The following ARHGAP10 variants were observed in gnomAD, a reference collection of about 807,000 sequenced individuals.
The protein encoded by ARHGAP10 is rho GTPase-activating protein 10.
A neutral mutation model predicts 108.6 loss-of-function variants in ARHGAP10; 87 were observed. The ratio of observed to expected loss-of-function variants is 0.80; its 90% CI spans 0.67 to 0.96. ARHGAP10 has a LOEUF of 0.96. ARHGAP10 is among the 40% of genes least tolerant of loss of function. The pLI is 0.00. For missense variants in ARHGAP10, 939 were observed against 954.5 expected (o/e 0.98, Z 0.21); for synonymous variants, 347 against 341.1 (o/e 1.02, Z -0.19).
chr4:147,809,437 C>T (rs893153563), intron 1 of ARHGAP10, among the ~76,000 whole-genome samples: 1 of 152,168 alleles, frequency 6.6e-6, no homozygotes, highest in Non-Finnish European at 1.5e-5. Context: ...CTTTGTCATC[C>T]AGACAGGATA....
intron 19 of ARHGAP10, among the ~76,000 whole-genome samples, chr4:148,041,440 A>G (rs1352118727): frequency 2.0e-5 from 3 of 152,244 alleles, no homozygotes; most frequent in Non-Finnish European, 2.9e-5. Flanking sequence ...ATTCCTTCCA[A>G]CAATCCAAAA....
chr4:147,803,300 C>T (rs1731653582), intron 1 of ARHGAP10, among the ~76,000 whole-genome samples: 3 of 152,182 alleles, frequency 2.0e-5, no homozygotes, highest in Admixed American at 2.0e-4. Flanking sequence ...TGAGCCACTG[C>T]ATCCAGCCTA....
At chr4:147,891,583 A>G (rs1423823469) in intron 10 of ARHGAP10, among the ~76,000 whole-genome samples, 5 of 152,198 alleles carry the variant, frequency 3.3e-5, no homozygotes, top group Non-Finnish European at 5.9e-5. Flanking sequence ...GTTGAACTGT[A>G]CATTGTCAGT....
chr4:147,758,187 C>A (rs530737917), intron 1 of ARHGAP10, among the ~76,000 whole-genome samples: 121 of 151,150 alleles, frequency 8.0e-4, no homozygotes, highest in South Asian at 1.5e-3. Flanking sequence ...TGCTTGAACC[C>A]GGGACGTGGA....
At chr4:148,007,322 G>T (rs548442337) in intron 18 of ARHGAP10, among the ~76,000 whole-genome samples, 3 of 152,180 alleles carry the variant, frequency 2.0e-5, no homozygotes, top group South Asian at 2.1e-4. Context: ...AACCCCATTG[G>T]CATGTTCACA....
At chr4:147,826,184 G>C (rs1732702750) in intron 3 of ARHGAP10, among the ~76,000 whole-genome samples, 1 of 152,168 alleles carries the variant, frequency 6.6e-6, no homozygotes, top group African/African-American at 2.4e-5. Flanking sequence ...CCATTGTTAG[G>C]CTCAGTATTC....
At chr4:148,064,034 C>A (rs570939820) in intron 21 of ARHGAP10, among the ~76,000 whole-genome samples, 1 of 152,324 alleles carries the variant, frequency 6.6e-6, no homozygotes, top group Non-Finnish European at 1.5e-5. Context: ...CTTCTGCCGG[C>A]TGGCCGTGTG....
chr4:147,838,090 T>C (rs141314800), intron 3 of ARHGAP10, among the ~76,000 whole-genome samples: 3 of 152,196 alleles, frequency 2.0e-5, no homozygotes, highest in Non-Finnish European at 4.4e-5. Flanking sequence ...TCTGCACTTA[T>C]TTAATAAAAA....
At position 147,879,272 on chromosome 4, in the gene ARHGAP10, C is replaced by T. The variant is rs758790719; in HGVS notation, c.873C>T (p.Cys291=). The T allele has an allele frequency of 4.0e-5, 65 of 1,613,932 alleles. 2 individuals are homozygous for T. The South Asian group carries it at 6.9e-4, about 17-fold the overall frequency. The change falls in exon 9 of 23, where the codon TGC becomes TGT. Residue 291 remains cysteine, a synonymous_variant. Coordinates refer to ENST00000336498, the MANE Select transcript of ARHGAP10 (RefSeq NM_024605.4). ...PFGSSWVKHY[C]MYRKAAKKFN... ...GTTCCAGTTGGGTCAAACACTATTG[C>T]ATGTATCGAAAAGCAGCAAAGAAGT...
chr4:147,929,346 TAGAG>T (rs1370678629), intron 13 of ARHGAP10, among the ~76,000 whole-genome samples: 2 of 152,188 alleles, frequency 1.3e-5, no homozygotes, highest in Non-Finnish European at 2.9e-5. Context: ...TTTGATGGAA[TAGAG>T]AGAATCATTC....
chr4:147,950,857 C>T (rs1738572444), intron 15 of ARHGAP10, among the ~76,000 whole-genome samples: 1 of 152,056 alleles, frequency 6.6e-6, no homozygotes, highest in Non-Finnish European at 1.5e-5. Flanking sequence ...TGTGATGTTT[C>T]TAGTCAAATG....
intron 10 of ARHGAP10, among the ~76,000 whole-genome samples, chr4:147,898,297 A>G (rs1736081478): frequency 2.6e-5 from 4 of 152,186 alleles, no homozygotes; most frequent in Middle Eastern, 6.8e-3. Flanking sequence ...TTGTTTTCAT[A>G]GATTTCCCCT....
chr4:148,071,971 T>G (rs780922880), intron 22 of ARHGAP10, 22 bp from the exon 23 acceptor site: 7 of 1,607,476 alleles, frequency 4.4e-6, no homozygotes, highest in African/African-American at 1.3e-5. Context: ...TTTGTAAAAG[T>G]GATTTTTCTC....
intron 20 of ARHGAP10, among the ~76,000 whole-genome samples, chr4:148,055,773 C>T (rs1292741349): frequency 1.3e-5 from 2 of 152,150 alleles, no homozygotes; most frequent in Non-Finnish European, 2.9e-5. Flanking sequence ...TGGCTGGCTC[C>T]CTGCTGCTTG....
intron 20 of ARHGAP10, among the ~76,000 whole-genome samples, chr4:148,051,102 G>T (rs1165093156): frequency 6.6e-6 from 1 of 152,238 alleles, no homozygotes; most frequent in African/African-American, 2.4e-5. Flanking sequence ...TCTGACATAG[G>T]TGGTGTAGCT....
At chr4:147,817,556 C>T (rs76406342) in intron 1 of ARHGAP10, among the ~76,000 whole-genome samples, 6,243 of 152,250 alleles carry the variant, frequency 0.041, 458 homozygotes, top group African/African-American at 0.14. Flanking sequence ...ATGTGGTATC[C>T]TACCTCTCAA....
chr4:148,001,986 T>A (rs993047254), intron 18 of ARHGAP10, among the ~76,000 whole-genome samples: 1 of 152,222 alleles, frequency 6.6e-6, no homozygotes, highest in Non-Finnish European at 1.5e-5. Flanking sequence ...ATCCCTGTCT[T>A]GTGCCAGTTT....
At position 148,072,241 on chromosome 4, in the gene ARHGAP10, C is replaced by G; in HGVS notation, c.*160C>G. ...AGCCCTGGGGGTGGGGGGTGGTGGG[C>G]AGGGATGGGACGCACCACACAGAAC... On this transcript the variant is annotated 3_prime_UTR_variant, in exon 23 of 23. Transcript: ENST00000336498. 2.3e-6 allele frequency: 1 copy of G among 440,120 alleles called. No homozygotes were observed. The highest frequency in any genetic ancestry group is 2.4e-5 in the South Asian group (1 of 41,348). 27.3% of individuals were successfully genotyped at this position (440,120 alleles called of 1,614,324 possible). A position where few individuals can be genotyped will look rare whatever the true frequency, so the allele number is the denominator to read the frequency against.
intron 10 of ARHGAP10, among the ~76,000 whole-genome samples, chr4:147,890,888 GT>G (rs751101466): frequency 3.9e-5 from 6 of 151,974 alleles, no homozygotes; most frequent in Non-Finnish European, 8.8e-5. Context: ...GCTTAATATT[GT>G]TAGCTGTTAG....
Sources: gnomAD v4.1 joint callset for allele counts (sites outside exome capture counted in the v4.1 genomes callset) on GRCh38, gnomAD v4.1.1 for gene constraint, MANE v1.5 for transcripts, NCBI Gene and HGNC (gene_info 2026-07-23, HGNC 2026-07-21) for gene names.